The following SLC28A3 variants were observed in gnomAD, a reference collection of about 807,000 sequenced individuals.
SLC28A3 encodes concentrative Na(+)-nucleoside cotransporter 3.
A neutral mutation model predicts 84.2 loss-of-function variants in SLC28A3; 68 were observed. That is an observed-to-expected ratio of 0.81 (90% confidence interval 0.66 to 0.99). The LOEUF (loss-of-function observed/expected upper bound fraction) is 0.99, where lower values mean the gene tolerates loss of function less well. Ranked by LOEUF, SLC28A3 falls within the 50% of genes least tolerant of loss-of-function variation. The probability of loss-of-function intolerance (pLI) is 0.00; values close to 1 mark genes in which losing one functional copy is unlikely to be tolerated. For missense variants in SLC28A3, 712 were observed against 841.5 expected, an observed-to-expected ratio of 0.85 and a Z score of 1.90; for synonymous variants, 267 against 303.6, an observed-to-expected ratio of 0.88 and a Z score of 1.25.
At chr9:84,285,632 G>C in intron 13 of SLC28A3, 90 bp from the exon 14 acceptor site, 2 of 1,340,766 alleles carry the variant, frequency 1.5e-6, no homozygotes, top group Admixed American at 1.8e-5. Context: ...TGACCCCTCT[G>C]TCTCCTTTAG....
chr9:84,286,053 C>T lies in SLC28A3; in HGVS notation c.1339G>A (p.Val447Met). ...ATCAGATTCACAGCGATGTTGGCCA[C>T]CAGGGAGATGGAGGAGGATGCTCCC... ...TQGASSSISL[V>M]ANIAVNLIAF... Residue 447 changes from valine (V) to methionine (M), a missense_variant, in exon 13 of 18, where the codon GTG (valine) becomes ATG (methionine). Physicochemically the swap from Val to Met is conservative, Grantham distance 21 (BLOSUM62 1). Transcript: ENST00000376238. 5 of 1,614,064 alleles carry T rather than the reference C, an allele frequency of 3.1e-6. No individual in the cohort carries two copies. In the Admixed American group the frequency reaches 5.0e-5, roughly 16 times the overall value.
chr9:84,348,716 A>G, the SLC28A3 span, among the ~76,000 whole-genome samples: 1 of 152,320 alleles, frequency 6.6e-6, no homozygotes, highest in African/African-American at 2.4e-5. Context: ...TAATGTGGTT[A>G]TCTGAGGAGT....
At chr9:84,350,163 C>T in the SLC28A3 span, among the ~76,000 whole-genome samples, 6 of 152,238 alleles carry the variant, frequency 3.9e-5, no homozygotes, top group African/African-American at 7.2e-5. Context: ...ATGGTAGGCC[C>T]GGCACGGTGG....
At chr9:84,313,636 T>G (rs573431743) in intron 1 of SLC28A3, among the ~76,000 whole-genome samples, 182 bp from the exon 2 acceptor site, 1 of 152,168 alleles carries the variant, frequency 6.6e-6, no homozygotes, top group African/African-American at 2.4e-5. Context: ...GATGATCGGC[T>G]GGGCACAGTG....
chr9:84,360,823 G>A, the SLC28A3 span, among the ~76,000 whole-genome samples: 3 of 152,068 alleles, frequency 2.0e-5, no homozygotes, highest in East Asian at 3.9e-4. Context: ...GGCTGAGGTG[G>A]AAGGATCGCT....
At chr9:84,320,944 C>T (rs112055354) in intron 1 of SLC28A3, among the ~76,000 whole-genome samples, 1,431 of 139,424 alleles carry the variant, frequency 0.01, 17 homozygotes, top group Non-Finnish European at 0.01. Flanking sequence ...CCAGCCTGGG[C>T]GACAAGAACA....
chr9:84,290,769 C>T (rs2118159880), intron 10 of SLC28A3, among the ~76,000 whole-genome samples: 1 of 152,216 alleles, frequency 6.6e-6, no homozygotes, highest in East Asian at 1.9e-4. Context: ...TCCTGTCTTC[C>T]AACTTCACCT....
intron 1 of SLC28A3, among the ~76,000 whole-genome samples, chr9:84,339,673 T>TC (rs1220779445): frequency 5.3e-5 from 8 of 152,198 alleles, no homozygotes; most frequent in African/African-American, 1.9e-4. Flanking sequence ...TTGTTTCCTC[T>TC]CCTACACTTG....
chr9:84,302,678 TC>T lies in SLC28A3; in HGVS notation c.335-290del, dbSNP rs761072820. On this transcript the variant is annotated intron_variant, in intron 4 of 17. Transcript: ENST00000376238. ...AATCTTGATGCTCAATCATTGGGCCTCTAAGTACTGGCCATTTTTACCACTG... is the reference window on the plus strand; with the variant it reads ...AATCTTGATGCTCAATCATTGGGCCTTAAGTACTGGCCATTTTTACCACTG... Among the ~76,000 whole-genome samples the T allele has an allele frequency of 4.6e-5, 7 of 152,310 alleles. No individual in the cohort carries two copies. In the East Asian group the frequency reaches 1.2e-3, roughly 25 times the overall value.
the SLC28A3 span, among the ~76,000 whole-genome samples, chr9:84,367,334 C>T: frequency 2.4e-4 from 36 of 152,284 alleles, no homozygotes; most frequent in African/African-American, 8.7e-4. Context: ...TATCCACAAG[C>T]CAGGTCCTGA....
the SLC28A3 span, among the ~76,000 whole-genome samples, chr9:84,351,472 A>T: frequency 6.6e-6 from 1 of 152,124 alleles, no homozygotes; most frequent in East Asian, 1.9e-4. Flanking sequence ...CAACCTGGGC[A>T]ACATGGTAAA....
intron 16 of SLC28A3, 103 bp from the exon 17 acceptor site, chr9:84,279,488 C>T (rs1424261830): frequency 2.1e-6 from 2 of 956,280 alleles, no homozygotes; most frequent in African/African-American, 1.7e-5. Context: ...TTTGCCCAGG[C>T]TAGAGTGTAG....
chr9:84,292,463 G>GTCTCTCTCTCTGTCTCTCTCTCTC, intron 10 of SLC28A3: 1 of 500,300 alleles, frequency 2.0e-6, no homozygotes, highest in Non-Finnish European at 3.5e-6. Context: ...CTGTCTCTCT[G>GTCTCTCTCTCTGTCTCTCTCTCTC]TCTCTCTCTC....
chr9:84,316,855 G>A (rs1237624423), intron 1 of SLC28A3, among the ~76,000 whole-genome samples: 1 of 152,026 alleles, frequency 6.6e-6, no homozygotes, highest in African/African-American at 2.4e-5. Flanking sequence ...ACAAAAGTTA[G>A]CTGGGCGTGG....
At chr9:84,340,855 G>GCTGGCCCGCCCACCTTATTAATCTTTTC (rs1827140488), upstream of SLC28A3, among the ~76,000 whole-genome samples, 1 of 152,076 alleles carries the variant, frequency 6.6e-6, no homozygotes, top group Non-Finnish European at 1.5e-5. Flanking sequence ...GGCATCTAGT[G>GCTGGCCCGCCCACCTTATTAATCTTTTC]CTGGCCCGCC....
chr9:84,352,878 G>A, the SLC28A3 span, among the ~76,000 whole-genome samples: 2 of 115,224 alleles, frequency 1.7e-5, no homozygotes, highest in Non-Finnish European at 3.3e-5. Flanking sequence ...GGGTGACAGA[G>A]TGAGATTCTG....
the SLC28A3 span, among the ~76,000 whole-genome samples, chr9:84,366,854 TGA>T: frequency 6.6e-6 from 1 of 152,184 alleles, no homozygotes; most frequent in African/African-American, 2.4e-5. Flanking sequence ...AGCACAGCCC[TGA>T]GTCTCACCCA....
rs1228256301 is a variant in SLC28A3 at position 84,275,714 on chromosome 9, G to GTAAC, written c.*2500_*2503dup. The GTAAC allele has an allele frequency of 6.6e-6, 1 of 152,136 alleles. No individual in the cohort carries two copies. Among genetic ancestry groups the GTAAC allele is most frequent in the African/African-American group, 2.4e-5 (1 of 41,412 alleles). 9.4% of individuals were successfully genotyped at this position (152,136 alleles called of 1,614,324 possible). On this transcript the variant is annotated 3_prime_UTR_variant, in exon 18 of 18. Coordinates refer to ENST00000376238, the MANE Select transcript of SLC28A3 (RefSeq NM_001199633.2). ...CAGGGTATTGGTGAGGTTTCTGGGG[G>GTAAC]TAACAAGCTCAAGAGGCTTAACCAG...
chr9:84,334,625 C>T (rs1003838905), intron 1 of SLC28A3, among the ~76,000 whole-genome samples: 1 of 115,140 alleles, frequency 8.7e-6, no homozygotes, highest in Non-Finnish European at 2.1e-5. Flanking sequence ...TATTTCACAA[C>T]GAATTTTTTT....
Sources: allele counts gnomAD v4.1 joint callset (sites outside exome capture counted in the v4.1 genomes callset), GRCh38; gene constraint gnomAD v4.1.1; transcripts MANE v1.5; gene names NCBI Gene and HGNC (gene_info 2026-07-23, HGNC 2026-07-21).